SH3GL3: variants seen among roughly 807,000 people sequenced by gnomAD.
SH3GL3 encodes SH3 domain containing GRB2 like 3, endophilin A3.
In SH3GL3, 33 loss-of-function variants were observed where a neutral mutation model predicts 47.7. That is an observed-to-expected ratio of 0.69 (90% CI 0.52 to 0.92). The LOEUF (loss-of-function observed/expected upper bound fraction) is 0.92. Among genes scored for constraint, SH3GL3 ranks in the 40% least tolerant of loss-of-function variants. SH3GL3 has a pLI of 0.00. For synonymous variants in SH3GL3, 155 were observed against 148.8 expected, an observed-to-expected ratio of 1.04 and a Z score of -0.30; for missense variants, 363 against 417.8, an observed-to-expected ratio of 0.87 and a Z score of 1.14.
intron 1 of SH3GL3, among the ~76,000 whole-genome samples, chr15:83,522,575 T>C (rs991572423): frequency 6.6e-6 from 1 of 152,230 alleles, no homozygotes; most frequent in Admixed American, 6.5e-5. Context: ...CACAATACTG[T>C]TACTACGTTA....
chr15:83,529,206 G>A (rs1163914162), intron 1 of SH3GL3, among the ~76,000 whole-genome samples: 1 of 152,210 alleles, frequency 6.6e-6, no homozygotes, highest in Admixed American at 6.5e-5. Flanking sequence ...TGGCAGTGGT[G>A]GGCCAATTAT....
chr15:83,579,373 G>C (rs555815448), intron 6 of SH3GL3, among the ~76,000 whole-genome samples: 1 of 152,322 alleles, frequency 6.6e-6, no homozygotes, highest in Admixed American at 6.5e-5. Flanking sequence ...CCTCAGCCTG[G>C]ATCCTGGGGT....
At chr15:83,523,642 G>A (rs1277561343) in intron 1 of SH3GL3, among the ~76,000 whole-genome samples, 1 of 152,078 alleles carries the variant, frequency 6.6e-6, no homozygotes, top group African/African-American at 2.4e-5. Context: ...GAAATTTCTG[G>A]CCCTTATCTC....
intron 1 of SH3GL3, among the ~76,000 whole-genome samples, chr15:83,548,968 T>C (rs545094591): frequency 6.8e-4 from 103 of 152,284 alleles, no homozygotes; most frequent in Non-Finnish European, 1.2e-3. Flanking sequence ...TCATCTTCTT[T>C]CCCTTTATGT....
At chr15:83,502,137 A>G (rs1173235866) in intron 1 of SH3GL3, among the ~76,000 whole-genome samples, 2 of 152,360 alleles carry the variant, frequency 1.3e-5, no homozygotes, top group East Asian at 3.9e-4. Context: ...AGTGACAACT[A>G]TGTGTCTAAA....
intron 6 of SH3GL3, among the ~76,000 whole-genome samples, chr15:83,577,934 T>G (rs143478533): frequency 1.5e-3 from 228 of 152,348 alleles, no homozygotes; most frequent in African/African-American, 5.1e-3. Context: ...ACAGCCGCTG[T>G]CATCCCCCAG....
chr15:83,518,062 T>C (rs1053781740), intron 1 of SH3GL3, among the ~76,000 whole-genome samples: 1 of 152,238 alleles, frequency 6.6e-6, no homozygotes, highest in Non-Finnish European at 1.5e-5. Context: ...GCATCTGTGT[T>C]GCTGCAAAGG....
At chr15:83,576,052 C>G (rs766363443) in intron 5 of SH3GL3, among the ~76,000 whole-genome samples, 2 of 152,138 alleles carry the variant, frequency 1.3e-5, no homozygotes, top group African/African-American at 4.8e-5. Flanking sequence ...GTGAATCTCT[C>G]TCCTTTGCAT....
intron 1 of SH3GL3, chr15:83,489,096 AATAG>A (rs916827140): frequency 6.6e-6 from 1 of 152,216 alleles, no homozygotes; most frequent in Non-Finnish European, 1.5e-5. Flanking sequence ...GGTGCCTTGT[AATAG>A]ATAGCCATCT....
chr15:83,486,359 CCAAAGTAAAACCT>C (rs1435642856), intron 1 of SH3GL3, among the ~76,000 whole-genome samples: 2 of 152,102 alleles, frequency 1.3e-5, no homozygotes, highest in Non-Finnish European at 2.9e-5. Flanking sequence ...TTTCATCACC[CCAAAGTAAAACCT>C]CATACCCTTT....
At chr15:83,607,506 T>C (rs1319433075) in intron 8 of SH3GL3, among the ~76,000 whole-genome samples, 1 of 152,118 alleles carries the variant, frequency 6.6e-6, no homozygotes, top group Non-Finnish European at 1.5e-5. Context: ...AGCTTCCAAG[T>C]CAGGATCATG....
At chr15:83,573,028 G>A (rs554401198) in intron 5 of SH3GL3, among the ~76,000 whole-genome samples, 6 of 152,264 alleles carry the variant, frequency 3.9e-5, no homozygotes, top group African/African-American at 7.2e-5. Flanking sequence ...TATCAAAATC[G>A]TACCATAGTT....
intron 8 of SH3GL3, among the ~76,000 whole-genome samples, chr15:83,605,682 A>G (rs1240107720): frequency 6.6e-6 from 1 of 152,196 alleles, no homozygotes; most frequent in Non-Finnish European, 1.5e-5. Flanking sequence ...AAATGGAGAA[A>G]GGGGAGAATC....
chr15:83,513,103 G>C (rs534125828), intron 1 of SH3GL3, among the ~76,000 whole-genome samples: 1 of 152,098 alleles, frequency 6.6e-6, no homozygotes, highest in Non-Finnish European at 1.5e-5. Flanking sequence ...GTATTTTTCC[G>C]CTGTGTGTAT....
At chr15:83,470,034 C>T (rs1255643549) in intron 1 of SH3GL3, among the ~76,000 whole-genome samples, 1 of 152,162 alleles carries the variant, frequency 6.6e-6, no homozygotes, top group East Asian at 1.9e-4. Context: ...ACTTGGTGCA[C>T]TCACTCTTTT....
At position 83,448,362 on chromosome 15, in the gene SH3GL3, T is replaced by C. The variant is rs1398923023; in HGVS notation, c.45+784T>C. Among the ~76,000 whole-genome samples, 1 of 151,726 alleles carries C rather than the reference T, an allele frequency of 6.6e-6. No individual in the cohort carries two copies. The highest frequency in any genetic ancestry group is 1.5e-5 in the Non-Finnish European group (1 of 67,946). On this transcript the variant is annotated intron_variant, in intron 1 of 8. Coordinates refer to ENST00000427482, the MANE Select transcript of SH3GL3 (RefSeq NM_003027.5). The surrounding 1 kb of genome is among the most constrained non-coding windows in gnomAD (Gnocchi z 4.2). ...GAGAATTAAGTATGAGGAAGAATTATGGCTGAGGGTGTGGGATGATAGGAG... is the reference window on the plus strand; with the variant it reads ...GAGAATTAAGTATGAGGAAGAATTACGGCTGAGGGTGTGGGATGATAGGAG...
intron 1 of SH3GL3, among the ~76,000 whole-genome samples, chr15:83,460,205 A>G (rs13379837): frequency 1.3e-5 from 2 of 150,656 alleles, no homozygotes; most frequent in South Asian, 2.1e-4. Flanking sequence ...GGCTCAAAGG[A>G]TCCTCTCACT....
chr15:83,627,467 C>G, the SH3GL3 span, among the ~76,000 whole-genome samples: 1 of 151,734 alleles, frequency 6.6e-6, no homozygotes, highest in African/African-American at 2.4e-5. Context: ...TTTCATATGT[C>G]CTAGTGTTGG....
chr15:83,602,940 G>A (rs915137418), intron 8 of SH3GL3, among the ~76,000 whole-genome samples: 2 of 152,086 alleles, frequency 1.3e-5, no homozygotes, highest in Non-Finnish European at 2.9e-5. Context: ...GACCTTGTGG[G>A]TTCCTTACAG....
Sources: allele counts gnomAD v4.1 joint callset (sites outside exome capture counted in the v4.1 genomes callset), GRCh38; gene constraint gnomAD v4.1.1; non-coding constraint Gnocchi (gnomAD v3.1); transcripts MANE v1.5; gene names NCBI Gene and HGNC (gene_info 2026-07-23, HGNC 2026-07-21).